Variants in OTUD7B observed in about 807,000 individuals in gnomAD.
The protein encoded by OTUD7B is OTU deubiquitinase 7B.
Under a neutral mutation model 82.2 loss-of-function variants are expected in OTUD7B, and 34 were observed. The ratio of observed to expected loss-of-function variants is 0.41; its 90% CI spans 0.31 to 0.55. The LOEUF (loss-of-function observed/expected upper bound fraction) is 0.55. Among genes scored for constraint, OTUD7B ranks in the 20% least tolerant of loss-of-function variants. The probability of loss-of-function intolerance (pLI) is 0.20; values close to 1 mark genes in which losing one functional copy is unlikely to be tolerated. For missense variants in OTUD7B, 944 were observed against 1,062.1 expected, an observed-to-expected ratio of 0.89 and a Z score of 1.55; for synonymous variants, 398 against 402.7, an observed-to-expected ratio of 0.99 and a Z score of 0.14.
At chr1:149,963,881 C>A (rs1298995283) in intron 6 of OTUD7B, 5 of 203,752 alleles carry the variant, frequency 2.5e-5, no homozygotes, top group Non-Finnish European at 5.0e-5. Flanking sequence ...ATTGATCTAG[C>A]CTTATTACAA....
At chr1:150,035,321 G>A in the OTUD7B span, among the ~76,000 whole-genome samples, 1 of 152,158 alleles carries the variant, frequency 6.6e-6, no homozygotes, top group Non-Finnish European at 1.5e-5. Flanking sequence ...GGGAGAAATT[G>A]AGCCCAAGAA....
chr1:150,032,002 C>T, the OTUD7B span, among the ~76,000 whole-genome samples: 3 of 152,038 alleles, frequency 2.0e-5, no homozygotes, highest in African/African-American at 4.8e-5. Flanking sequence ...TTCTTATTTG[C>T]TTTTGTCACT....
At chr1:150,048,779 A>T in the OTUD7B span, among the ~76,000 whole-genome samples, 1 of 152,118 alleles carries the variant, frequency 6.6e-6, no homozygotes, top group Non-Finnish European at 1.5e-5. Flanking sequence ...TGTACAAAAC[A>T]TAAAACTCAT....
the OTUD7B span, among the ~76,000 whole-genome samples, chr1:150,020,354 G>C: frequency 6.6e-6 from 1 of 151,994 alleles, no homozygotes; most frequent in South Asian, 2.1e-4. Flanking sequence ...TGAATAACAT[G>C]GTGAAACCCT....
chr1:150,028,549 CT>C, the OTUD7B span, among the ~76,000 whole-genome samples: 1 of 152,184 alleles, frequency 6.6e-6, no homozygotes, highest in African/African-American at 2.4e-5. Context: ...CTCCAGAATT[CT>C]TTTCACTTTG....
At chr1:149,956,721 A>C (rs149399372) in intron 7 of OTUD7B, among the ~76,000 whole-genome samples, 3,184 of 130,058 alleles carry the variant, frequency 0.024, 78 homozygotes, top group African/African-American at 0.077. Flanking sequence ...TTCTTTGAGG[A>C]TTTGTTTGTT....
the OTUD7B span, among the ~76,000 whole-genome samples, chr1:150,065,849 G>GTTTCTTT: frequency 6.6e-6 from 1 of 151,532 alleles, no homozygotes; most frequent in African/African-American, 2.5e-5. Flanking sequence ...TGTTCAAAAT[G>GTTTCTTT]TTTATGTTCC....
chr1:150,027,484 G>A, the OTUD7B span, among the ~76,000 whole-genome samples: 1 of 152,160 alleles, frequency 6.6e-6, no homozygotes, highest in African/African-American at 2.4e-5. Flanking sequence ...CTACTTGAGA[G>A]GCTGAGGCAG....
the OTUD7B span, among the ~76,000 whole-genome samples, chr1:150,017,915 A>G: frequency 2.0e-5 from 3 of 152,136 alleles, no homozygotes. Context: ...TTCAGTGACT[A>G]TATCTAATTG....
the OTUD7B span, among the ~76,000 whole-genome samples, chr1:150,029,674 T>C: frequency 0.11 from 16,154 of 152,244 alleles, 1,210 homozygotes; most frequent in Non-Finnish European, 0.17. Context: ...AATTTGGTGG[T>C]TGCATTCTCT....
rs1030371296 is a variant in OTUD7B at position 149,947,322 on chromosome 1, G to A, written c.1252C>T (p.Leu418=). The change falls in exon 11 of 12, where the codon CTA becomes TTA. Residue 418 remains leucine, a synonymous_variant. Coordinates refer to ENST00000581312, the MANE Select transcript of OTUD7B (RefSeq NM_020205.4). ...NVRLASVILS[L]EVKLHLLHSY... ...TGCAGCAGATGCAATTTGACCTCTA[G>A]GGACAGAATTACACTATGAAAAAGA... is the stretch of plus-strand genomic sequence containing the variant. 5 of 1,601,768 alleles carry A rather than the reference G, an allele frequency of 3.1e-6. No homozygotes were observed. The highest frequency in any genetic ancestry group is 1.1e-5 in the South Asian group (1 of 90,826).
chr1:149,958,538 A>C (rs1226021013), intron 7 of OTUD7B, among the ~76,000 whole-genome samples: 2 of 151,924 alleles, frequency 1.3e-5, no homozygotes. Context: ...CACATTGGCC[A>C]GGCTGGTCTC....
the OTUD7B span, chr1:150,067,620 A>C: frequency 2.0e-6 from 1 of 507,638 alleles, no homozygotes; most frequent in Non-Finnish European, 3.5e-6. Flanking sequence ...GGTGGAGAAT[A>C]ACGCCCGCGC....
intron 1 of OTUD7B, among the ~76,000 whole-genome samples, chr1:150,004,945 C>A (rs1398361528): frequency 2.0e-5 from 3 of 152,044 alleles, no homozygotes; most frequent in Non-Finnish European, 2.9e-5. Flanking sequence ...TGTTTGCAAC[C>A]TCCATCTCCT....
chr1:149,952,768 T>A (rs1408393360), intron 7 of OTUD7B, among the ~76,000 whole-genome samples: 9 of 152,212 alleles, frequency 5.9e-5, no homozygotes, highest in African/African-American at 1.9e-4. Context: ...TGGTATCTCA[T>A]TGTGATTTTG....
chr1:149,951,783 C>T (rs1267790607), intron 7 of OTUD7B, among the ~76,000 whole-genome samples: 3 of 151,940 alleles, frequency 2.0e-5, no homozygotes, highest in Admixed American at 6.6e-5. Flanking sequence ...AATTTTTAAC[C>T]ATTATGGAAA....
chr1:150,056,068 A>C, the OTUD7B span, among the ~76,000 whole-genome samples: 11 of 152,232 alleles, frequency 7.2e-5, no homozygotes, highest in East Asian at 2.1e-3. Flanking sequence ...AATAAGAAAA[A>C]ACTATTATAC....
chr1:149,950,793 T>TTTG (rs1648141410), intron 7 of OTUD7B, among the ~76,000 whole-genome samples: 2 of 10,922 alleles, frequency 1.8e-4, no homozygotes, highest in Non-Finnish European at 2.7e-4. Flanking sequence ...TTTTTTGTTT[T>TTTG]TTTTTCTTTT....
chr1:149,947,421 T>G lies in OTUD7B; in HGVS notation c.1239-86A>C, dbSNP rs185940561. 39 of 757,266 alleles carry G rather than the reference T, an allele frequency of 5.2e-5. No individual in the cohort carries two copies. In the African/African-American group the frequency reaches 6.5e-4, roughly 13 times the overall value. The allele number at this position is 757,266 out of a possible 1,614,324, so 46.9% of individuals were successfully genotyped here. The stretch of plus-strand genomic sequence containing the variant: ...GTTGGGAGAAAGGGTGGGAGAGGGC[T>G]ACATGGCTTAGGACTCAAATAGGGT... On this transcript the variant is annotated intron_variant, in intron 10 of 11. Transcript: ENST00000581312.
Sources: gnomAD v4.1 joint callset for allele counts (sites outside exome capture counted in the v4.1 genomes callset) on GRCh38, gnomAD v4.1.1 for gene constraint, MANE v1.5 for transcripts, NCBI Gene and HGNC (gene_info 2026-07-23, HGNC 2026-07-21) for gene names.